The following JAML variants were observed in gnomAD, a reference collection of about 807,000 sequenced individuals.
The protein encoded by JAML is junction adhesion molecule like, also known as junctional adhesion molecule-like.
In JAML, 25 loss-of-function variants were observed where a neutral mutation model predicts 39.3. The observed-to-expected ratio is 0.64, with a 90% CI of 0.46 to 0.89. The LOEUF (loss-of-function observed/expected upper bound fraction) is 0.89, where lower values mean the gene tolerates loss of function less well. Ranked by LOEUF, JAML falls within the 40% of genes least tolerant of loss-of-function variation. The pLI, the probability that JAML is intolerant of heterozygous loss-of-function variation, is 0.00. For synonymous variants in JAML, 162 were observed against 179.2 expected, an observed-to-expected ratio of 0.90 and a Z score of 0.77; for missense variants, 440 against 486.9, an observed-to-expected ratio of 0.90 and a Z score of 0.91.
chr11:118,202,648 A>G (rs915189530), intron 6 of JAML: 12 of 253,274 alleles, frequency 4.7e-5, no homozygotes, highest in Non-Finnish European at 9.6e-5. Flanking sequence ...GGAAGCACAC[A>G]GACCTGCCGT....
intron 6 of JAML, chr11:118,202,345 AAAAGAC>A (rs1741714860): frequency 6.5e-6 from 1 of 152,766 alleles, no homozygotes; most frequent in African/African-American, 2.4e-5. Flanking sequence ...GCTGAAGAAA[AAAAGAC>A]ATAGAATGGA....
intron 7 of JAML, among the ~76,000 whole-genome samples, chr11:118,199,621 T>C (rs1948732611): frequency 6.6e-6 from 1 of 151,996 alleles, no homozygotes; most frequent in African/African-American, 2.4e-5. Flanking sequence ...TTGGAGCATC[T>C]GGGCACTTCT....
At chr11:118,219,114 G>A (rs1237186275) in intron 1 of JAML, among the ~76,000 whole-genome samples, 1 of 151,946 alleles carries the variant, frequency 6.6e-6, no homozygotes, top group Non-Finnish European at 1.5e-5. Context: ...TGGGCAAATG[G>A]TCTGAACAGA....
intron 5 of JAML, chr11:118,204,342 A>C (rs1282101011): frequency 6.5e-6 from 1 of 153,108 alleles, no homozygotes; most frequent in African/African-American, 2.4e-5. Context: ...TGAGCCTTTA[A>C]AAATGTAAGT....
chr11:118,200,542 A>G lies in JAML; in HGVS notation c.843T>C (p.Ile281=). 6.2e-7 allele frequency: 1 copy of G among 1,614,102 alleles called. No individual in the cohort carries two copies. The highest frequency in any genetic ancestry group is 1.1e-5 in the South Asian group (1 of 91,078). ...GGAGCAGCAGGATTGTGGCACAGAC[A>G]ATTCCCACAATGATCACCAACTGAT... ...GGNQLVIIVG[I]VCATILLLPV... The change falls in exon 7 of 10, where the codon ATT becomes ATC. Residue 281 remains isoleucine (I), a synonymous_variant. Coordinates refer to ENST00000356289, the MANE Select transcript of JAML (RefSeq NM_001098526.2).
At chr11:118,196,999 T>C in intron 8 of JAML, 178 bp from the exon 9 acceptor site, 1 of 565,860 alleles carries the variant, frequency 1.8e-6, no homozygotes, top group Admixed American at 3.1e-5. Context: ...TCTTGAAAAT[T>C]AACTGTCAAA....
At chr11:118,209,848 T>C (rs978934528) in intron 4 of JAML, among the ~76,000 whole-genome samples, 4 of 151,512 alleles carry the variant, frequency 2.6e-5, no homozygotes, top group African/African-American at 4.8e-5. Flanking sequence ...CTTTTTCTTT[T>C]TTTTTCTTTT....
intron 8 of JAML, 42 bp from the exon 9 acceptor site, chr11:118,196,863 G>T: frequency 6.6e-7 from 1 of 1,522,502 alleles, no homozygotes; most frequent in Non-Finnish European, 9.1e-7. Flanking sequence ...AAAATTAGAT[G>T]AATCTTATAC....
In JAML at chr11:118,210,593, C is replaced by A. The variant is rs1224013315; in HGVS notation, c.318G>T (p.Val106=). The A allele has an allele frequency of 1.2e-6, 2 of 1,614,110 alleles. No homozygotes were observed. Among genetic ancestry groups the A allele is most frequent in the African/African-American group, 2.7e-5 (2 of 74,940 alleles). Reference sequence around the variant, plus strand: ...TATAGGTTCCCTGGTCAGCCTCTTGCACATCTTGGAGCAGGAGAGAGCCAT... The same window carrying A: ...TATAGGTTCCCTGGTCAGCCTCTTGAACATCTTGGAGCAGGAGAGAGCCAT... The part of the protein sequence containing the change: ...CNDGSLLLQD[V]QEADQGTYIC... The change falls in exon 4 of 10, where the codon GTG becomes GTT. Residue 106 remains valine (V), a synonymous_variant. Transcript: ENST00000356289.
At position 118,215,568 on chromosome 11, in the gene JAML, A is replaced by C. The variant is rs546815928; in HGVS notation, c.-20-682T>G. 5.9e-5 allele frequency among the ~76,000 whole-genome samples: 9 copies of C among 151,912 alleles called. No homozygotes were observed. In the East Asian group the frequency reaches 1.7e-3, roughly 29 times the overall value. On this transcript the variant is annotated intron_variant, in intron 1 of 9. Transcript: ENST00000356289. ...TCACTGTGTTGCCCAAGCTGGTCTC[A>C]AACTCCTGGGCTCCAGTGATCCTCC...
In JAML at chr11:118,197,998, C is replaced by T. The variant is rs1366806850; in HGVS notation, c.1005G>A (p.Glu335=). ...GTTTTAGGCTGAAGCGTGTGTTCAC[C>T]TCCCCTTCACATCTTTCAAAATGGC... ...KPCHFERCEG[E]KHIYSPIIVR... is the part of the protein sequence containing the mutation. Residue 335 remains glutamate, a splice_region_variant and synonymous_variant, in exon 8 of 10, where the codon GAG becomes GAA. Transcript: ENST00000356289. 1.9e-6 allele frequency: 3 copies of T among 1,613,406 alleles called. No homozygotes were observed. Among genetic ancestry groups the T allele is most frequent in the Non-Finnish European group, 1.7e-6 (2 of 1,179,298 alleles).
rs771865818 is a variant in JAML at position 118,203,397 on chromosome 11, C to T, written c.772+31G>A. On this transcript the variant is annotated intron_variant, in intron 6 of 9. Transcript: ENST00000356289. ...GGCGCCATGCACCAGCCAGGAGGTC[C>T]CTCAATGCTCCCCAGCCAAATGTTA... The T allele has an allele frequency of 4.4e-6, 7 of 1,593,740 alleles. No individual in the cohort carries two copies. The South Asian group carries it at 7.7e-5, about 18-fold the overall frequency.
chr11:118,214,145 GATAA>G, intron 2 of JAML, among the ~76,000 whole-genome samples: 1 of 152,182 alleles, frequency 6.6e-6, no homozygotes, highest in Admixed American at 6.5e-5. Context: ...ACATCCATGG[GATAA>G]AGAAAAAGGC....
intron 6 of JAML, chr11:118,201,856 A>T (rs1239024994): frequency 6.6e-6 from 1 of 152,232 alleles, no homozygotes; most frequent in Non-Finnish European, 1.5e-5. Flanking sequence ...GCACACCCCC[A>T]GGCATCTAGT....
chr11:118,215,083 A>G (rs1278731562), intron 1 of JAML, among the ~76,000 whole-genome samples, 197 bp from the exon 2 acceptor site: 3 of 152,224 alleles, frequency 2.0e-5, no homozygotes, highest in Non-Finnish European at 4.4e-5. Flanking sequence ...AAGCAAATAA[A>G]TGAATGAATG....
chr11:118,207,488 C>G (rs1335788975), intron 4 of JAML, among the ~76,000 whole-genome samples: 1 of 152,152 alleles, frequency 6.6e-6, no homozygotes, highest in Non-Finnish European at 1.5e-5. Context: ...ATGGCTGATT[C>G]TAGAGCAAAA....
rs758814396 is a variant in JAML, at chr11:118,200,610, G to A, written c.775C>T (p.Leu259=). 4.2e-5 allele frequency: 68 copies of A among 1,614,158 alleles called. No homozygotes were observed. The South Asian group carries it at 7.1e-4, about 17-fold the overall frequency. Residue 259 remains leucine (L), a splice_region_variant and synonymous_variant, in exon 7 of 10, where the codon CTG becomes TTG. Coordinates refer to ENST00000356289, the MANE Select transcript of JAML (RefSeq NM_001098526.2). ...LHVSPEEPRT[L]VTPAALRPLV... ...GGCCTCAGGGCTGCCGGGGTCACCAGTGCTTGGGAAAGTAGAAAAGCAAGG... is the reference window on the plus strand; with the variant it reads ...GGCCTCAGGGCTGCCGGGGTCACCAATGCTTGGGAAAGTAGAAAAGCAAGG...
chr11:118,195,515 G>C (rs1948634310), intron 9 of JAML, among the ~76,000 whole-genome samples: 1 of 152,084 alleles, frequency 6.6e-6, no homozygotes, highest in African/African-American at 2.4e-5. Context: ...CGTGCTCATC[G>C]CCAGCTCACT....
chr11:118,201,440 C>G (rs1407052042), intron 6 of JAML: 2 of 152,234 alleles, frequency 1.3e-5, no homozygotes, highest in Admixed American at 1.3e-4. Context: ...AGAAAGAGTT[C>G]AACGGGTCTG....
Sources: allele counts gnomAD v4.1 joint callset (sites outside exome capture counted in the v4.1 genomes callset), GRCh38; gene constraint gnomAD v4.1.1; transcripts MANE v1.5; gene names NCBI Gene and HGNC (gene_info 2026-07-23, HGNC 2026-07-21).